Variants in ZNF407 observed in about 807,000 individuals in gnomAD.
The protein encoded by ZNF407 is zinc finger protein 407.
ZNF407 carries 17 observed loss-of-function variants against 131.2 expected under a neutral mutation model. The observed-to-expected ratio is 0.13, with a 90% CI of 0.09 to 0.19. The LOEUF (loss-of-function observed/expected upper bound fraction) is 0.19, where lower values mean the gene tolerates loss of function less well. Ranked by LOEUF, ZNF407 falls within the 10% of genes least tolerant of loss-of-function variation. The pLI, the probability that ZNF407 is intolerant of heterozygous loss-of-function variation, is 1.00. For missense variants in ZNF407, 2,681 were observed against 2,830.6 expected, an observed-to-expected ratio of 0.95 and a Z score of 1.20; for synonymous variants, 1,156 against 1,062.0, an observed-to-expected ratio of 1.09 and a Z score of -1.72.
At chr18:74,978,011 T>A (rs559114410) in intron 8 of ZNF407, among the ~76,000 whole-genome samples, 1 of 152,318 alleles carries the variant, frequency 6.6e-6, no homozygotes, top group African/African-American at 2.4e-5. Context: ...TATTTAAGAT[T>A]TATCTATTTT....
intron 4 of ZNF407, among the ~76,000 whole-genome samples, chr18:74,811,113 G>A (rs935479774): frequency 1.3e-4 from 19 of 151,912 alleles, no homozygotes; most frequent in Non-Finnish European, 2.2e-4. Context: ...GAAAATTTTC[G>A]CAACCTACTC....
chr18:74,729,525 T>C (rs1032674860), intron 3 of ZNF407, among the ~76,000 whole-genome samples: 4 of 152,048 alleles, frequency 2.6e-5, no homozygotes, highest in African/African-American at 9.7e-5. Flanking sequence ...GTCTTGCATG[T>C]TCGTTGGTTC....
Position 74,943,058 on chromosome 18 carries a change from GGCACAT to G in ZNF407, c.5428+22369_5428+22374del, listed in dbSNP as rs1972117710. On this transcript the variant is annotated intron_variant, in intron 8 of 8. Coordinates refer to ENST00000299687, the MANE Select transcript of ZNF407 (RefSeq NM_017757.3). ...AGCCTTCCAGGTAACTGGGGCTACAGGCACATGCCACCATGCCTAGCTGATTTTTTT... is the reference window on the plus strand; with the variant it reads ...AGCCTTCCAGGTAACTGGGGCTACAGGCCACCATGCCTAGCTGATTTTTTT... 2.6e-5 allele frequency among the ~76,000 whole-genome samples: 4 copies of G among 151,900 alleles called. No homozygotes were observed. In the South Asian group the frequency reaches 8.3e-4, roughly 32 times the overall value.
At chr18:74,808,708 AT>A (rs140522793) in intron 4 of ZNF407, among the ~76,000 whole-genome samples, 27 of 151,998 alleles carry the variant, frequency 1.8e-4, no homozygotes, top group African/African-American at 5.3e-4. Context: ...GATCAATTAC[AT>A]TTTTTTTAAA....
chr18:74,805,590 A>C (rs1970096816), intron 4 of ZNF407, among the ~76,000 whole-genome samples: 1 of 152,202 alleles, frequency 6.6e-6, no homozygotes, highest in African/African-American at 2.4e-5. Flanking sequence ...GAAGAGTAAA[A>C]ATATAAGAAT....
chr18:74,921,269 G>T (rs1971843439), intron 8 of ZNF407, among the ~76,000 whole-genome samples: 1 of 152,170 alleles, frequency 6.6e-6, no homozygotes. Flanking sequence ...GCAAGTGAGG[G>T]GCTCTGGAAG....
At chr18:74,856,765 C>G (rs1227651444) in intron 4 of ZNF407, among the ~76,000 whole-genome samples, 2 of 152,180 alleles carry the variant, frequency 1.3e-5, no homozygotes, top group Non-Finnish European at 2.9e-5. Flanking sequence ...TGTAATTTAT[C>G]AAGAGAGCAG....
At chr18:74,738,919 AAG>A in intron 3 of ZNF407, among the ~76,000 whole-genome samples, 1 of 152,186 alleles carries the variant, frequency 6.6e-6, no homozygotes, top group Non-Finnish European at 1.5e-5. Context: ...AACTTTTCTG[AAG>A]TAAAGAAAAT....
chr18:74,855,447 A>G (rs1254811533), intron 4 of ZNF407, among the ~76,000 whole-genome samples: 1 of 152,228 alleles, frequency 6.6e-6, no homozygotes, highest in Non-Finnish European at 1.5e-5. Context: ...AAAGCTTGGT[A>G]CTTTTAAATC....
intron 3 of ZNF407, among the ~76,000 whole-genome samples, chr18:74,709,959 A>G (rs934398073): frequency 6.6e-6 from 1 of 152,184 alleles, no homozygotes; most frequent in Admixed American, 6.5e-5. Flanking sequence ...ATTAATGTGA[A>G]TTTATGAATA....
intron 4 of ZNF407, among the ~76,000 whole-genome samples, chr18:74,785,810 T>G (rs1969694452): frequency 6.7e-6 from 1 of 148,930 alleles, no homozygotes; most frequent in South Asian, 2.2e-4. Context: ...ACACACAGCA[T>G]GTACATGGCA....
At chr18:74,958,459 G>A (rs546296905) in intron 8 of ZNF407, among the ~76,000 whole-genome samples, 1 of 152,072 alleles carries the variant, frequency 6.6e-6, no homozygotes, top group African/African-American at 2.4e-5. Context: ...CCATGAGGAG[G>A]AGCCCCGTCA....
chr18:75,007,296 A>G (rs1341481626), intron 8 of ZNF407, among the ~76,000 whole-genome samples: 3 of 150,972 alleles, frequency 2.0e-5, no homozygotes, highest in Non-Finnish European at 4.4e-5. Context: ...ACCTCATTCC[A>G]TCTTTTTTCT....
chr18:74,946,511 G>T (rs565272379), intron 8 of ZNF407, among the ~76,000 whole-genome samples: 1 of 152,184 alleles, frequency 6.6e-6, no homozygotes, highest in African/African-American at 2.4e-5. Context: ...AATCACAGGG[G>T]AGAAAATATT....
rs899353898 is a variant in ZNF407 at position 74,893,083 on chromosome 18, G to A, written c.5249+3045G>A. Among the ~76,000 whole-genome samples the A allele has an allele frequency of 4.8e-4, 73 of 152,152 alleles. 1 individual carries two copies. Among genetic ancestry groups the A allele is most frequent in the African/African-American group, 1.5e-3 (64 of 41,518 alleles). The stretch of plus-strand genomic sequence containing the variant: ...TACTAAGGTTGAGATCATATTACTC[G>A]TCCGTTATTCAAGTTATCTCCCTGA... On this transcript the variant is annotated intron_variant, in intron 7 of 8. Coordinates refer to ENST00000299687, the MANE Select transcript of ZNF407 (RefSeq NM_017757.3).
chr18:74,765,185 T>C (rs1043137291), intron 3 of ZNF407, among the ~76,000 whole-genome samples: 1 of 152,136 alleles, frequency 6.6e-6, no homozygotes, highest in South Asian at 2.1e-4. Flanking sequence ...GGTGTACTTA[T>C]CTTTTGATTA....
chr18:74,672,886 C>T (rs552549074), intron 3 of ZNF407, among the ~76,000 whole-genome samples: 42 of 152,252 alleles, frequency 2.8e-4, no homozygotes, highest in Admixed American at 1.2e-3. Context: ...TTATGTTCTT[C>T]GATCAAGCCT....
chr18:74,939,090 A>G (rs1198933012), intron 8 of ZNF407, among the ~76,000 whole-genome samples: 1 of 152,228 alleles, frequency 6.6e-6, no homozygotes, highest in Non-Finnish European at 1.5e-5. Flanking sequence ...CTTAAATTCT[A>G]AAGGCGGATT....
intron 7 of ZNF407, among the ~76,000 whole-genome samples, chr18:74,897,118 C>T (rs76444883): frequency 1.4e-3 from 212 of 152,302 alleles, no homozygotes; most frequent in Non-Finnish European, 2.6e-3. Flanking sequence ...CTAAGAGGCT[C>T]TGTGCTGATA....
Sources: allele counts gnomAD v4.1 joint callset (sites outside exome capture counted in the v4.1 genomes callset), GRCh38; gene constraint gnomAD v4.1.1; transcripts MANE v1.5; gene names NCBI Gene and HGNC (gene_info 2026-07-23, HGNC 2026-07-21).